The following NDE1 variants were observed in gnomAD, a reference collection of about 807,000 sequenced individuals.
NDE1 encodes the protein nuclear distribution protein nudE homolog 1.
NDE1 carries 28 observed loss-of-function variants against 43.4 expected under a neutral mutation model. The ratio of observed to expected loss-of-function variants is 0.65; its 90% CI spans 0.48 to 0.89. NDE1 has a LOEUF of 0.89. NDE1 is among the 40% of genes least tolerant of loss of function. The pLI, the probability that NDE1 is intolerant of heterozygous loss-of-function variation, is 0.00. For synonymous variants in NDE1, 184 were observed against 172.0 expected (o/e 1.07, Z -0.55); for missense variants, 441 against 434.1 (o/e 1.02, Z -0.14).
At position 15,724,833 on chromosome 16, in the gene NDE1, T is replaced by C. The variant is rs2040667778; in HGVS notation, c.*582T>C. 1.2e-6 allele frequency: 2 copies of C among 1,613,564 alleles called. No homozygotes were observed. Among genetic ancestry groups the C allele is most frequent in the East Asian group, 2.2e-5 (1 of 44,870 alleles). ...GGGATGCAAAGAGGTCCCAGGGACCTGCCCCGAGGAAGGCCACCCCCCAGG... is the reference window on the plus strand; with the variant it reads ...GGGATGCAAAGAGGTCCCAGGGACCCGCCCCGAGGAAGGCCACCCCCCAGG... On this transcript the variant is annotated 3_prime_UTR_variant, in exon 9 of 9. Coordinates refer to ENST00000396354, the MANE Select transcript of NDE1 (RefSeq NM_017668.3).
Position 15,724,214 on chromosome 16 carries a change from T to A in NDE1, c.971T>A (p.Leu324Ter). 1 of 1,614,156 alleles carries A rather than the reference T, an allele frequency of 6.2e-7. No individual in the cohort carries two copies. The highest frequency in any genetic ancestry group is 1.7e-5 in the Admixed American group (1 of 60,024). ...AGGTTGGACACGAGTTGCCGCTGGTTGTCCAAATCAACAACCAGGTCGTCC... is the reference window on the plus strand; with the variant it reads ...AGGTTGGACACGAGTTGCCGCTGGTAGTCCAAATCAACAACCAGGTCGTCC... ...DKGLDTSCRW[L>*]SKSTTRSSSS... The change falls in exon 9 of 9, where the codon TTG becomes TAG. Residue 324 changes from leucine (L) to a stop codon, truncating the protein, a stop_gained. Transcript: ENST00000396354. LOFTEE classifies it high-confidence loss of function.
At chr16:15,651,239 T>C (rs1287498063) in intron 1 of NDE1, among the ~76,000 whole-genome samples, 2 of 152,156 alleles carry the variant, frequency 1.3e-5, no homozygotes, top group African/African-American at 4.8e-5. Flanking sequence ...TTTAACTTTC[T>C]AAAGAAAAGG....
At chr16:15,694,900 G>A (rs555221326) in intron 7 of NDE1, 14 of 985,244 alleles carry the variant, frequency 1.4e-5, no homozygotes, top group Middle Eastern at 5.2e-4. Context: ...TCTTTTGGCC[G>A]GGTGCTCATA....
At chr16:15,643,590 G>T in exon 1 of NDE1, 1 of 303,918 alleles carries the variant, frequency 3.3e-6, no homozygotes, top group Non-Finnish European at 6.2e-6. Context: ...TTCCTCTCTC[G>T]GGTCTCGTCA....
At chr16:15,724,086 C>T (rs902498144) in intron 8 of NDE1, 105 bp from the exon 9 acceptor site, 23 of 1,603,604 alleles carry the variant, frequency 1.4e-5, no homozygotes, top group East Asian at 2.2e-5. Flanking sequence ...GCCAGAGCCA[C>T]GCGTCATACT....
At chr16:15,711,942 G>A (rs757130346) in intron 8 of NDE1, among the ~76,000 whole-genome samples, 1 of 152,144 alleles carries the variant, frequency 6.6e-6, no homozygotes, top group Non-Finnish European at 1.5e-5. Flanking sequence ...ATCAGCCTGC[G>A]TTGGCCTCCC....
chr16:15,725,246 C>G lies in NDE1; in HGVS notation c.*995C>G. The G allele has an allele frequency of 1.7e-6, 1 of 596,052 alleles. No homozygotes were observed. The allele number at this position is 596,052 out of a possible 1,614,324, so 36.9% of individuals were successfully genotyped here. On this transcript the variant is annotated 3_prime_UTR_variant, in exon 9 of 9. Coordinates refer to ENST00000396354, the MANE Select transcript of NDE1 (RefSeq NM_017668.3). ...GCCCTAGACTCTGTGGTTCTAAGAA[C>G]TTATTTGAGCCCCAATGGTATTGAC...
chr16:15,706,886 G>A (rs187689642), intron 8 of NDE1, among the ~76,000 whole-genome samples: 1 of 152,230 alleles, frequency 6.6e-6, no homozygotes, highest in East Asian at 1.9e-4. Flanking sequence ...GAAGCTCCTT[G>A]CTTGGCTGTC....
intron 3 of NDE1, among the ~76,000 whole-genome samples, chr16:15,673,995 A>G (rs16967579): frequency 0.013 from 1,952 of 152,204 alleles, 53 homozygotes; most frequent in African/African-American, 0.045. Flanking sequence ...GGGCTAGTTA[A>G]GTAATTGAGT....
intron 1 of NDE1, among the ~76,000 whole-genome samples, chr16:15,654,363 G>A (rs2036648833): frequency 6.6e-6 from 1 of 151,952 alleles, no homozygotes; most frequent in Admixed American, 6.6e-5. Flanking sequence ...ACTTTGGGAG[G>A]CCTAGGTGGG....
rs555203805 is a variant in NDE1 at position 15,664,808 on chromosome 16, C to T, written c.30C>T (p.Ser10=). Residue 10 remains serine (S), a synonymous_variant, in exon 2 of 9, where the codon TCC becomes TCT. Coordinates refer to ENST00000396354, the MANE Select transcript of NDE1 (RefSeq NM_017668.3). Reference sequence around the variant, plus strand: ...AGGACTCCGGAAAGACTTTCAGCTCCGAGGAGGAAGAAGCTAACTATTGGA... The same window carrying T: ...AGGACTCCGGAAAGACTTTCAGCTCTGAGGAGGAAGAAGCTAACTATTGGA... MEDSGKTFS[S]EEEEANYWKD... The T allele has an allele frequency of 1.5e-5, 24 of 1,613,642 alleles. No individual in the cohort carries two copies. Among genetic ancestry groups the T allele is most frequent in the South Asian group, 2.2e-5 (2 of 91,064 alleles).
chr16:15,680,687 C>A (rs916874526), intron 4 of NDE1, among the ~76,000 whole-genome samples: 6 of 151,940 alleles, frequency 3.9e-5, no homozygotes, highest in African/African-American at 4.8e-5. Flanking sequence ...TTACAGGCGC[C>A]CCCCACCACG....
chr16:15,717,317 T>A lies in NDE1; in HGVS notation c.948-6874T>A. The stretch of plus-strand genomic sequence containing the variant: ...CTCATTCTTCTGGGCCGTGCTGCGC[T>A]CTGTGGCCAGCTCGTTGCTGAGCTG... On this transcript the variant is annotated intron_variant, in intron 8 of 8. Transcript: ENST00000396354. The A allele has an allele frequency of 6.2e-7, 1 of 1,611,108 alleles. No homozygotes were observed. Among genetic ancestry groups the A allele is most frequent in the Non-Finnish European group, 8.5e-7 (1 of 1,180,026 alleles).
At chr16:15,686,477 A>T in intron 4 of NDE1, 3 of 985,322 alleles carry the variant, frequency 3.0e-6, no homozygotes, top group South Asian at 9.4e-5. Context: ...GGGCATTTTG[A>T]ACTTCCACTG....
intron 7 of NDE1, chr16:15,694,571 C>G (rs2038922204): frequency 1.1e-6 from 1 of 939,188 alleles, no homozygotes; most frequent in Non-Finnish European, 1.3e-6. Flanking sequence ...TGGTCTTAAA[C>G]TCCTGGCCTC....
rs2037291153 is a variant in NDE1 at position 15,666,076 on chromosome 16, G to A, written c.84-1210G>A. On this transcript the variant is annotated intron_variant, in intron 2 of 8. Transcript: ENST00000396354. ...CGGTGTCCATCTTATTTTCTAGAAG[G>A]GTTTTTATCAGTTCCTAGATGCCAT... Among the ~76,000 whole-genome samples, 3 of 151,992 alleles carry A rather than the reference G, an allele frequency of 2.0e-5. No homozygotes were observed. The South Asian group carries it at 6.2e-4, about 32-fold the overall frequency.
At chr16:15,661,000 C>T (rs189507517) in intron 1 of NDE1, among the ~76,000 whole-genome samples, 20 of 152,252 alleles carry the variant, frequency 1.3e-4, no homozygotes, top group African/African-American at 4.1e-4. Flanking sequence ...GCTATAGACG[C>T]ATGACTTTCA....
rs1334670947 is a variant in NDE1, at chr16:15,726,082, C to T, written c.*1831C>T. 1 of 184,374 alleles carries T rather than the reference C, an allele frequency of 5.4e-6. No individual in the cohort carries two copies. The highest frequency in any genetic ancestry group is 2.3e-5 in the African/African-American group (1 of 42,732). 11.4% of individuals were successfully genotyped at this position (184,374 alleles called of 1,614,324 possible). ...CCTCTGCCTGGTAGACTTATCCATGCTCCTTAGGGAAGCCTTTCGTGGCTC... is the reference window on the plus strand; with the variant it reads ...CCTCTGCCTGGTAGACTTATCCATGTTCCTTAGGGAAGCCTTTCGTGGCTC... On this transcript the variant is annotated 3_prime_UTR_variant, in exon 9 of 9. Transcript: ENST00000396354.
Position 15,724,237 on chromosome 16 carries a change from T to C in NDE1, c.994T>C (p.Ser332Pro). Residue 332 changes from serine to proline, a missense_variant, in exon 9 of 9, where the codon TCC becomes CCC. Transcript: ENST00000396354. The part of the protein sequence containing the change: ...RWLSKSTTRS[S>P]SSC ...GTTGTCCAAATCAACAACCAGGTCGTCCAGCTCCTGCTGAAGCCTGTTCTT... is the reference window on the plus strand; with the variant it reads ...GTTGTCCAAATCAACAACCAGGTCGCCCAGCTCCTGCTGAAGCCTGTTCTT... The C allele has an allele frequency of 6.2e-7, 1 of 1,614,222 alleles. No homozygotes were observed. The highest frequency in any genetic ancestry group is 1.1e-5 in the South Asian group (1 of 91,084).
Sources: gnomAD v4.1 joint callset for allele counts (sites outside exome capture counted in the v4.1 genomes callset) on GRCh38, gnomAD v4.1.1 for gene constraint, MANE v1.5 for transcripts, NCBI Gene and HGNC (gene_info 2026-07-23, HGNC 2026-07-21) for gene names.